MAN1C1: variants seen among roughly 807,000 people sequenced by gnomAD.
MAN1C1 encodes the protein mannosyl-oligosaccharide 1,2-alpha-mannosidase IC.
In MAN1C1, 49 loss-of-function variants were observed where a neutral mutation model predicts 71.5. The observed-to-expected ratio is 0.69, with a 90% CI of 0.54 to 0.87. The LOEUF (loss-of-function observed/expected upper bound fraction) is 0.87, where lower values mean the gene tolerates loss of function less well. MAN1C1 is among the 40% of genes least tolerant of loss of function. MAN1C1 has a pLI of 0.00. For missense variants in MAN1C1, 743 were observed against 835.0 expected, an observed-to-expected ratio of 0.89 and a Z score of 1.36; for synonymous variants, 352 against 343.7, an observed-to-expected ratio of 1.02 and a Z score of -0.27.
chr1:25,695,064 T>C (rs74544090), intron 2 of MAN1C1, among the ~76,000 whole-genome samples: 1 of 152,116 alleles, frequency 6.6e-6, no homozygotes, highest in African/African-American at 2.4e-5. Context: ...CATAACTACT[T>C]GATGAGTTTT....
At chr1:25,682,269 G>A (rs2046165630) in intron 1 of MAN1C1, among the ~76,000 whole-genome samples, 1 of 152,206 alleles carries the variant, frequency 6.6e-6, no homozygotes, top group Admixed American at 6.5e-5. Context: ...TGCAAAGCAG[G>A]CAGACACACG....
At chr1:25,654,170 T>A (rs2045731000) in intron 1 of MAN1C1, 1 of 152,320 alleles carries the variant, frequency 6.6e-6, no homozygotes, top group Non-Finnish European at 1.5e-5. Flanking sequence ...GAGTCACTTA[T>A]CCTTGCTGAT....
At chr1:25,699,319 A>AG (rs1305537251) in intron 2 of MAN1C1, among the ~76,000 whole-genome samples, 121 of 150,462 alleles carry the variant, frequency 8.0e-4, no homozygotes, top group South Asian at 1.3e-3. Flanking sequence ...AAAAAAAAAA[A>AG]AAGAAGAAGA....
At chr1:25,733,676 A>C (rs1385156601) in intron 2 of MAN1C1, among the ~76,000 whole-genome samples, 1 of 152,186 alleles carries the variant, frequency 6.6e-6, no homozygotes, top group Non-Finnish European at 1.5e-5. Context: ...TACCCAAAAA[A>C]TACATTTGGG....
intron 5 of MAN1C1, among the ~76,000 whole-genome samples, chr1:25,755,450 T>C (rs61774963): frequency 0.03 from 4,533 of 152,312 alleles, 101 homozygotes; most frequent in Non-Finnish European, 0.044. Flanking sequence ...CATCCATACA[T>C]GGGCACACAC....
At chr1:25,763,637 G>C (rs1287629333) in intron 6 of MAN1C1, 1 of 524,264 alleles carries the variant, frequency 1.9e-6, no homozygotes, top group African/African-American at 1.9e-5. Context: ...GCCAGGCAGA[G>C]CAGTCAGTGG....
chr1:25,676,142 G>A (rs1249170284), intron 1 of MAN1C1, among the ~76,000 whole-genome samples: 1 of 152,212 alleles, frequency 6.6e-6, no homozygotes, highest in African/African-American at 2.4e-5. Context: ...TGATGCCTTA[G>A]AAACAGCTGC....
intron 8 of MAN1C1, among the ~76,000 whole-genome samples, chr1:25,777,891 C>G (rs1266772000): frequency 6.6e-6 from 1 of 152,168 alleles, no homozygotes; most frequent in Admixed American, 6.5e-5. Context: ...GGGAGCTGCC[C>G]TGTGTCTGAG....
rs762278339 is a variant in MAN1C1 at position 25,758,724 on chromosome 1, C to A, written c.1047+15C>A. On this transcript the variant is annotated intron_variant, in intron 6 of 11. Transcript: ENST00000374332. ...TCGCTGAAAAGGCAAGTCTCCTCCC[C>A]ACCCTTCTTCCTGCGGAGCAGAGGG... 1.2e-6 allele frequency: 2 copies of A among 1,601,684 alleles called. No individual in the cohort carries two copies. The highest frequency in any genetic ancestry group is 1.7e-6 in the Non-Finnish European group (2 of 1,168,756).
At chr1:25,736,732 G>A (rs913403818) in intron 2 of MAN1C1, among the ~76,000 whole-genome samples, 18 of 152,220 alleles carry the variant, frequency 1.2e-4, no homozygotes, top group African/African-American at 1.2e-4. Context: ...TTGCCATGTC[G>A]CCTAAGCTGG....
chr1:25,725,973 CT>C lies in MAN1C1; in HGVS notation c.638-20694del, dbSNP rs2046825790. ...AAGGTGAGGCTTTCATCTGAGTGAG[CT>C]GCCCAGCTGGGCATGGGCTGGATCA... On this transcript the variant is annotated intron_variant, in intron 2 of 11. Transcript: ENST00000374332. This position sits in a 1 kb window ranked among gnomAD's most constrained non-coding sequence, Gnocchi z 4.8. 6.6e-6 allele frequency among the ~76,000 whole-genome samples: 1 copy of C among 152,236 alleles called. No individual in the cohort carries two copies. Among genetic ancestry groups the C allele is most frequent in the African/African-American group, 2.4e-5 (1 of 41,462 alleles).
At chr1:25,677,820 C>G (rs2046090587) in intron 1 of MAN1C1, among the ~76,000 whole-genome samples, 1 of 139,324 alleles carries the variant, frequency 7.2e-6, no homozygotes, top group South Asian at 2.3e-4. Context: ...GTGACCTTCT[C>G]TCTGACTCCC....
At position 25,783,548 on chromosome 1, in the gene MAN1C1, C is replaced by T. The variant is rs2047726026; in HGVS notation, c.1767-115C>T. The T allele has an allele frequency of 4.0e-6, 5 of 1,240,650 alleles. No individual in the cohort carries two copies. The African/African-American group carries it at 5.9e-5, about 15-fold the overall frequency. The allele number at this position is 1,240,650 out of a possible 1,614,324, so 76.9% of individuals were successfully genotyped here. On this transcript the variant is annotated intron_variant, in intron 11 of 11. Coordinates refer to ENST00000374332, the MANE Select transcript of MAN1C1 (RefSeq NM_020379.4). Reference sequence around the variant, plus strand: ...CCACAGTTTTGGGGTTGCAAGGCTCCAGACCTTGACCATAGGCCTATCACA... The same window carrying T: ...CCACAGTTTTGGGGTTGCAAGGCTCTAGACCTTGACCATAGGCCTATCACA...
At chr1:25,629,026 T>A (rs1477378031) in intron 1 of MAN1C1, among the ~76,000 whole-genome samples, 1 of 152,238 alleles carries the variant, frequency 6.6e-6, no homozygotes, top group Non-Finnish European at 1.5e-5. Flanking sequence ...CCCATATCTT[T>A]GCAATTGTGA....
chr1:25,747,576 C>A (rs975993236), intron 3 of MAN1C1, among the ~76,000 whole-genome samples: 1 of 152,200 alleles, frequency 6.6e-6, no homozygotes, highest in Non-Finnish European at 1.5e-5. Flanking sequence ...GCAGACAGGT[C>A]TGGGGCTGGT....
intron 4 of MAN1C1, among the ~76,000 whole-genome samples, chr1:25,749,564 G>A (rs1224008609): frequency 2.6e-5 from 4 of 152,104 alleles, no homozygotes; most frequent in Non-Finnish European, 2.9e-5. Context: ...CACCCCAGAC[G>A]GCCCCCCAGG....
intron 1 of MAN1C1, among the ~76,000 whole-genome samples, chr1:25,621,251 G>A (rs2045203454): frequency 6.6e-6 from 1 of 152,182 alleles, no homozygotes; most frequent in Non-Finnish European, 1.5e-5. Context: ...TGGTAGTGGT[G>A]GTGTTGATGG....
chr1:25,747,620 C>T (rs943472147), intron 3 of MAN1C1, among the ~76,000 whole-genome samples: 1 of 152,152 alleles, frequency 6.6e-6, no homozygotes, highest in Non-Finnish European at 1.5e-5. Context: ...AGGACCCTGC[C>T]TCCTTGAGAG....
intron 1 of MAN1C1, among the ~76,000 whole-genome samples, chr1:25,622,009 G>T (rs1226798127): frequency 1.3e-5 from 2 of 152,172 alleles, no homozygotes; most frequent in Non-Finnish European, 2.9e-5. Context: ...GGCTGGCTGG[G>T]GCACTGAGAA....
Sources: gnomAD v4.1 joint callset for allele counts (sites outside exome capture counted in the v4.1 genomes callset) on GRCh38, gnomAD v4.1.1 for gene constraint, Gnocchi (gnomAD v3.1) non-coding constraint, MANE v1.5 for transcripts, NCBI Gene and HGNC (gene_info 2026-07-23, HGNC 2026-07-21) for gene names.